Variants in TFEB observed in about 807,000 individuals in gnomAD.
The protein encoded by TFEB is T-cell transcription factor EB.
TFEB carries 12 observed loss-of-function variants against 48.0 expected under a neutral mutation model. The observed-to-expected ratio is 0.25, with a 90% CI of 0.16 to 0.40. The LOEUF is 0.40. TFEB is among the 10% of genes least tolerant of loss of function. TFEB has a pLI of 1.00. For synonymous variants in TFEB, 244 were observed against 261.4 expected (o/e 0.93, Z 0.64); for missense variants, 509 against 640.3 (o/e 0.79, Z 2.21).
chr6:41,734,323 GGGCTGGGGCGCGCCAGGC>G lies in TFEB; in HGVS notation c.-23+1009_-23+1026del. Reference sequence around the variant, plus strand: ...CCCTCCCTTCCTCACCCGGGGCGCGGGGCTGGGGCGCGCCAGGCGGCTGCGGCGCGAACCTGCTCGCGC... The same window carrying G: ...CCCTCCCTTCCTCACCCGGGGCGCGGGGCTGCGGCGCGAACCTGCTCGCGC... On this transcript the variant is annotated intron_variant, in intron 1 of 8. Coordinates refer to ENST00000373033, the MANE Select transcript of TFEB (RefSeq NM_001271944.2). This position sits in a 1 kb window ranked among gnomAD's most constrained non-coding sequence, Gnocchi z 4.0. 3 of 984,232 alleles carry G rather than the reference GGGCTGGGGCGCGCCAGGC, an allele frequency of 3.0e-6. No homozygotes were observed. The highest frequency in any genetic ancestry group is 3.6e-6 in the Non-Finnish European group (3 of 829,036). 61.0% of individuals were successfully genotyped at this position (984,232 alleles called of 1,614,324 possible).
chr6:41,726,066 G>A (rs937707475), intron 1 of TFEB, among the ~76,000 whole-genome samples: 28 of 152,100 alleles, frequency 1.8e-4, no homozygotes, highest in African/African-American at 6.3e-4. Context: ...CTGAGATCGC[G>A]CCACTGCACT....
At chr6:41,688,364 G>A (rs1348868647) in intron 4 of TFEB, among the ~76,000 whole-genome samples, 18 of 152,030 alleles carry the variant, frequency 1.2e-4, no homozygotes, top group Admixed American at 1.2e-3. Flanking sequence ...CCTGGAGGGT[G>A]TGGAACTCTG....
At position 41,684,432 on chromosome 6, in the gene TFEB, C is replaced by G; in HGVS notation, c.*167G>C. The G allele has an allele frequency of 1.2e-6, 1 of 834,120 alleles. No individual in the cohort carries two copies. The highest frequency in any genetic ancestry group is 1.7e-6 in the Non-Finnish European group (1 of 592,194). 51.7% of individuals were successfully genotyped at this position (834,120 alleles called of 1,614,324 possible). A position where few individuals can be genotyped will look rare whatever the true frequency, so the allele number is the denominator to read the frequency against. ...CCTGGGGGTGCTTCTCCTGACCCCA[C>G]AGGCTGCCAGACAGGCACTAAGTCC... On this transcript the variant is annotated 3_prime_UTR_variant, in exon 9 of 9. Transcript: ENST00000373033.
chr6:41,697,744 C>T (rs1469894640), intron 1 of TFEB, among the ~76,000 whole-genome samples: 1 of 152,148 alleles, frequency 6.6e-6, no homozygotes, highest in East Asian at 1.9e-4. Context: ...ACCTCAATGT[C>T]CAGTTATAGG....
chr6:41,687,136 C>T lies in TFEB; in HGVS notation c.761G>A (p.Arg254His), dbSNP rs1769050709. Residue 254 changes from arginine (R) to histidine (H), a missense_variant, in exon 7 of 9, where the codon CGC becomes CAC. Physicochemically the swap from Arg to His is conservative, Grantham distance 29 (BLOSUM62 0). Around this residue, in one of 4 missense-constraint regions of TFEB, gnomAD observed 28 missense variants for 71.9 expected, o/e 0.39. Transcript: ENST00000373033. ...ERRRRFNIND[R>H]IKELGMLIPK... ...GATCAGCATTCCCAACTCCTTGATGCGGTCATTGATGTTGAACCTTCGTCT... is the reference window on the plus strand; with the variant it reads ...GATCAGCATTCCCAACTCCTTGATGTGGTCATTGATGTTGAACCTTCGTCT... 1.2e-6 allele frequency: 2 copies of T among 1,614,172 alleles called. No homozygotes were observed. Among genetic ancestry groups the T allele is most frequent in the Non-Finnish European group, 1.7e-6 (2 of 1,180,026 alleles).
In TFEB at chr6:41,690,761, C is replaced by G. The variant is rs1434277850; in HGVS notation, c.370G>C (p.Gly124Arg). Reference sequence around the variant, plus strand: ...GACAGCACGTGTCCAGCTCGCACCCCTGGGGAGGCGGCTGGTGGGGGTTTC... The same window carrying G: ...GACAGCACGTGTCCAGCTCGCACCCGTGGGGAGGCGGCTGGTGGGGGTTTC... The part of the protein sequence containing the change: ...SPKPPPAASP[G>R]VRAGHVLSSS... Residue 124 changes from glycine (G) to arginine (R), a missense_variant, in exon 3 of 9, where the codon GGG (glycine) becomes CGG (arginine). Gly to Arg is a moderately radical substitution (Grantham distance 125). Around this residue, in one of 4 missense-constraint regions of TFEB, gnomAD observed 251 missense variants for 317.2 expected, o/e 0.79. Coordinates refer to ENST00000373033, the MANE Select transcript of TFEB (RefSeq NM_001271944.2). The G allele has an allele frequency of 1.2e-6, 2 of 1,610,346 alleles. No individual in the cohort carries two copies. Among genetic ancestry groups the G allele is most frequent in the Non-Finnish European group, 1.7e-6 (2 of 1,177,956 alleles).
intron 1 of TFEB, among the ~76,000 whole-genome samples, chr6:41,712,507 G>A (rs1359074668): frequency 2.6e-5 from 4 of 152,120 alleles, no homozygotes; most frequent in Non-Finnish European, 4.4e-5. Flanking sequence ...TTTCCTCCTC[G>A]GAGAACAGGA....
At chr6:41,696,847 A>G (rs929929019) in intron 1 of TFEB, among the ~76,000 whole-genome samples, 7 of 152,242 alleles carry the variant, frequency 4.6e-5, no homozygotes, top group South Asian at 4.1e-4. Flanking sequence ...ACAAAAGTGT[A>G]TACAGCATGC....
chr6:41,708,735 G>A (rs549896194), intron 1 of TFEB, among the ~76,000 whole-genome samples: 5 of 152,226 alleles, frequency 3.3e-5, no homozygotes, highest in Admixed American at 3.3e-4. Context: ...ATACTGAATA[G>A]CTAACTCTAA....
At chr6:41,687,566 G>A (rs930260712) in intron 6 of TFEB, 187 bp downstream of exon 6, 11 of 729,122 alleles carry the variant, frequency 1.5e-5, no homozygotes, top group Non-Finnish European at 2.4e-5. Context: ...GAGGCCTAGT[G>A]GAAAGACAGC....
chr6:41,714,474 G>T (rs1429456753), intron 1 of TFEB, among the ~76,000 whole-genome samples: 1 of 152,212 alleles, frequency 6.6e-6, no homozygotes, highest in Admixed American at 6.5e-5. Context: ...TGGGGAAGAG[G>T]GAGCAGGGGC....
chr6:41,697,771 C>T (rs951557068), intron 1 of TFEB, among the ~76,000 whole-genome samples: 17 of 152,060 alleles, frequency 1.1e-4, no homozygotes, highest in South Asian at 2.1e-4. Context: ...AAATAAATTA[C>T]GGTGTGTCCC....
At chr6:41,733,109 G>A (rs1771520079) in intron 1 of TFEB, 2 of 957,992 alleles carry the variant, frequency 2.1e-6, no homozygotes, top group African/African-American at 1.8e-5. Flanking sequence ...GGAGGGCTCA[G>A]GGCCAAGAGC....
rs1056656897 is a variant in TFEB, at chr6:41,687,363, C to G, written c.728-194G>C. On this transcript the variant is annotated intron_variant, in intron 6 of 8. Coordinates refer to ENST00000373033, the MANE Select transcript of TFEB (RefSeq NM_001271944.2). ...GGGGGTCCAGGGCAAAGGCCAGACACAATTAAGAGCACTGAAAGGTAGAAT... is the reference window on the plus strand; with the variant it reads ...GGGGGTCCAGGGCAAAGGCCAGACAGAATTAAGAGCACTGAAAGGTAGAAT... 1.5e-4 allele frequency among the ~76,000 whole-genome samples: 23 copies of G among 152,288 alleles called. 1 individual carries two copies. Among genetic ancestry groups the G allele is most frequent in the Middle Eastern group, 3.4e-3 (1 of 294 alleles).
At chr6:41,718,720 C>T (rs1038462417) in intron 1 of TFEB, among the ~76,000 whole-genome samples, 26 of 150,942 alleles carry the variant, frequency 1.7e-4, no homozygotes, top group African/African-American at 6.1e-4. Flanking sequence ...GCCTGCTTGA[C>T]CTCTAAACCT....
At chr6:41,699,671 G>C (rs1433551070) in intron 1 of TFEB, among the ~76,000 whole-genome samples, 2 of 152,204 alleles carry the variant, frequency 1.3e-5, no homozygotes, top group Admixed American at 6.5e-5. Flanking sequence ...TGGCACACTG[G>C]AGATACTTCA....
rs771448522 is a variant in TFEB, at chr6:41,686,130, C to A, written c.911G>T (p.Arg304Leu). The change falls in exon 8 of 9, where the codon CGC (arginine) becomes CTC (leucine). Residue 304 changes from arginine (R) to leucine (L), a missense_variant. Physicochemically the swap from Arg to Leu is moderately radical, Grantham distance 102. Transcript: ENST00000373033. The stretch of plus-strand genomic sequence containing the variant: ...GAGCTGCTTGTTGGTCATCTCCAGG[C>A]GGCGAGAGTGGTTCTCCAGCTCCCT... ...KSRELENHSR[R>L]LEMTNKQLWL... The A allele has an allele frequency of 6.2e-7, 1 of 1,614,210 alleles. No individual in the cohort carries two copies. Among genetic ancestry groups the A allele is most frequent in the South Asian group, 1.1e-5 (1 of 91,086 alleles).
chr6:41,715,898 C>T (rs1239145680), intron 1 of TFEB, among the ~76,000 whole-genome samples: 2 of 152,196 alleles, frequency 1.3e-5, no homozygotes, highest in Non-Finnish European at 2.9e-5. Context: ...ACCCCCACTG[C>T]AGCCTTGCAG....
intron 8 of TFEB, 94 bp downstream of exon 8, chr6:41,685,996 G>A: frequency 6.6e-7 from 1 of 1,513,436 alleles, no homozygotes. Context: ...TTATTCCTGT[G>A]TCTCCAACTT....
Sources: gnomAD v4.1 joint callset for allele counts (sites outside exome capture counted in the v4.1 genomes callset) on GRCh38, gnomAD v4.1.1 for gene constraint, gnomAD v4.1.1 regional missense constraint, Gnocchi (gnomAD v3.1) non-coding constraint, MANE v1.5 for transcripts, NCBI Gene and HGNC (gene_info 2026-07-23, HGNC 2026-07-21) for gene names.